Variants in PCDHGA6 observed in about 807,000 individuals in gnomAD.
PCDHGA6 encodes the protein protocadherin gamma-A6.
PCDHGA6 carries 41 observed loss-of-function variants against 60.6 expected under a neutral mutation model. The observed-to-expected ratio is 0.68, with a 90% CI of 0.53 to 0.88. The LOEUF (loss-of-function observed/expected upper bound fraction) is 0.88. Ranked by LOEUF, PCDHGA6 falls within the 40% of genes least tolerant of loss-of-function variation. The probability of loss-of-function intolerance (pLI) is 0.00; values close to 1 mark genes in which losing one functional copy is unlikely to be tolerated. For missense variants in PCDHGA6, 1,312 were observed against 1,203.0 expected, an observed-to-expected ratio of 1.09 and a Z score of -1.34; for synonymous variants, 594 against 524.4, an observed-to-expected ratio of 1.13 and a Z score of -1.81.
At position 141,490,124 on chromosome 5, in the gene PCDHGA6, T is replaced by C. The variant is rs1216088470; in HGVS notation, c.2425-4683T>C. On this transcript the variant is annotated intron_variant, in intron 1 of 3. Transcript: ENST00000517434. The surrounding 1 kb of genome is among the most constrained non-coding windows in gnomAD (Gnocchi z 5.4). ...GAGGCAGTGCGGAACCTCTTTGGCCTAGACCCTAGCAGTGGGGCAATCCAT... is the reference window on the plus strand; with the variant it reads ...GAGGCAGTGCGGAACCTCTTTGGCCCAGACCCTAGCAGTGGGGCAATCCAT... 6.2e-7 allele frequency: 1 copy of C among 1,614,144 alleles called. No individual in the cohort carries two copies. Among genetic ancestry groups the C allele is most frequent in the Non-Finnish European group, 8.5e-7 (1 of 1,180,054 alleles).
rs144613597 is a variant in PCDHGA6, at chr5:141,483,029, G to A, written c.2425-11778G>A. 3.9e-3 allele frequency among the ~76,000 whole-genome samples: 588 copies of A among 152,220 alleles called. 6 individuals are homozygous for A. Among genetic ancestry groups the A allele is most frequent in the Admixed American group, 0.011 (169 of 15,280 alleles). ...GAACCCGGGAGGCAGAGGTTGCAAT[G>A]AGCTGGTGTCAGGCCACTGCACTCC... On this transcript the variant is annotated intron_variant, in intron 1 of 3. Transcript: ENST00000517434.
At chr5:141,389,404 C>T in intron 1 of PCDHGA6, 3 of 1,613,616 alleles carry the variant, frequency 1.9e-6, no homozygotes, top group Non-Finnish European at 2.5e-6. Context: ...TCCATAAGCG[C>T]GGAGAGCGGG....
chr5:141,453,700 G>T (rs953445370), intron 1 of PCDHGA6, among the ~76,000 whole-genome samples: 1 of 152,166 alleles, frequency 6.6e-6, no homozygotes, highest in East Asian at 1.9e-4. Flanking sequence ...TCCTGGCTTT[G>T]AACAGTTTCA....
intron 1 of PCDHGA6, chr5:141,441,978 A>T (rs769977785): frequency 9.1e-5 from 26 of 285,248 alleles, no homozygotes; most frequent in Non-Finnish European, 1.8e-4. Flanking sequence ...TCAGCCTGGA[A>T]TGCGCACCGA....
At chr5:141,471,708 T>G (rs1359785951) in intron 1 of PCDHGA6, among the ~76,000 whole-genome samples, 1 of 152,138 alleles carries the variant, frequency 6.6e-6, no homozygotes, top group Non-Finnish European at 1.5e-5. Context: ...GGAATAGAAG[T>G]GCCACTTACC....
intron 1 of PCDHGA6, chr5:141,428,501 C>A (rs970043746): frequency 8.4e-5 from 24 of 285,544 alleles, no homozygotes; most frequent in African/African-American, 3.9e-4. Context: ...TATGTTCCCT[C>A]GGATTCTAGA....
Position 141,485,089 on chromosome 5 carries a change from G to A in PCDHGA6, c.2425-9718G>A. The stretch of plus-strand genomic sequence containing the variant: ...GAGCTGGCGCGGGGAAAGGGAGATA[G>A]GTGTCTCCAGCTGCTGTGGCTGTTT... On this transcript the variant is annotated intron_variant, in intron 1 of 3. Coordinates refer to ENST00000517434, the MANE Select transcript of PCDHGA6 (RefSeq NM_018919.3). This position sits in a 1 kb window ranked among gnomAD's most constrained non-coding sequence, Gnocchi z 5.7. 1 of 1,027,236 alleles carries A rather than the reference G, an allele frequency of 9.7e-7. No homozygotes were observed. The highest frequency in any genetic ancestry group is 1.5e-6 in the Non-Finnish European group (1 of 674,564). 63.6% of individuals were successfully genotyped at this position (1,027,236 alleles called of 1,614,324 possible). A position where few individuals can be genotyped will look rare whatever the true frequency, so the allele number is the denominator to read the frequency against.
chr5:141,459,406 A>C (rs2098967498), intron 1 of PCDHGA6, among the ~76,000 whole-genome samples: 1 of 152,218 alleles, frequency 6.6e-6, no homozygotes, highest in Admixed American at 6.5e-5. Flanking sequence ...GCAGTATTGC[A>C]TTGTGTGGAT....
chr5:141,410,847 G>GTTT (rs773839667), intron 1 of PCDHGA6: 4 of 158,330 alleles, frequency 2.5e-5, no homozygotes, highest in South Asian at 1.1e-4. Context: ...TTTTGTCTTT[G>GTTT]TCTTTTTTTT....
At position 141,473,311 on chromosome 5, in the gene PCDHGA6, A is replaced by G. The variant is rs139053997; in HGVS notation, c.2425-21496A>G. On this transcript the variant is annotated intron_variant, in intron 1 of 3. Coordinates refer to ENST00000517434, the MANE Select transcript of PCDHGA6 (RefSeq NM_018919.3). ...TCAGTAGCATAAAGATTGCTATATTAATAAGCATTAAGTGCCTGCTGTGCT... is the reference window on the plus strand; with the variant it reads ...TCAGTAGCATAAAGATTGCTATATTGATAAGCATTAAGTGCCTGCTGTGCT... Among the ~76,000 whole-genome samples, 1,321 of 152,342 alleles carry G rather than the reference A, an allele frequency of 8.7e-3. 28 individuals carry two copies. Among genetic ancestry groups the G allele is most frequent in the African/African-American group, 0.03 (1,236 of 41,582 alleles).
At position 141,487,728 on chromosome 5, in the gene PCDHGA6, C is replaced by T. The variant is rs986276637; in HGVS notation, c.2425-7079C>T. 2 of 1,570,444 alleles carry T rather than the reference C, an allele frequency of 1.3e-6. No homozygotes were observed. Among genetic ancestry groups the T allele is most frequent in the East Asian group, 2.3e-5 (1 of 42,866 alleles). ...TCAGTAAGTGCCCATAGTGATGTCA[C>T]CATTTTTGTAAGAGGTAACTATGTG... On this transcript the variant is annotated intron_variant, in intron 1 of 3. Coordinates refer to ENST00000517434, the MANE Select transcript of PCDHGA6 (RefSeq NM_018919.3). The surrounding 1 kb of genome is among the most constrained non-coding windows in gnomAD (Gnocchi z 5.0).
intron 1 of PCDHGA6, among the ~76,000 whole-genome samples, chr5:141,401,855 C>T (rs1188056656): frequency 1.3e-5 from 2 of 152,164 alleles, no homozygotes; most frequent in African/African-American, 2.4e-5. Flanking sequence ...TACTTTTAAC[C>T]TTTCAGTAGT....
rs911594122 is a variant in PCDHGA6, at chr5:141,383,374, G to C, written c.2424+6867G>C. On this transcript the variant is annotated intron_variant, in intron 1 of 3. Transcript: ENST00000517434. ...TCGGTTTCCGTTAAGCGAGGCTGGGGATCCAGATGTGGGCACGAACTCCCT... is the reference window on the plus strand; with the variant it reads ...TCGGTTTCCGTTAAGCGAGGCTGGGCATCCAGATGTGGGCACGAACTCCCT... 1.2e-6 allele frequency: 2 copies of C among 1,613,910 alleles called. No homozygotes were observed. The highest frequency in any genetic ancestry group is 2.7e-5 in the African/African-American group (2 of 74,936).
At chr5:141,473,511 C>T (rs952034051) in intron 1 of PCDHGA6, among the ~76,000 whole-genome samples, 23 of 152,108 alleles carry the variant, frequency 1.5e-4, no homozygotes, top group Non-Finnish European at 3.1e-4. Flanking sequence ...GAGAGCATAA[C>T]AAAGGATCCT....
rs1195194477 is a variant in PCDHGA6, at chr5:141,432,620, C to G, written c.2424+56113C>G. On this transcript the variant is annotated intron_variant, in intron 1 of 3. Transcript: ENST00000517434. The surrounding 1 kb of genome is among the most constrained non-coding windows in gnomAD (Gnocchi z 6.0). ...CGAGCCGGGACTCTTCTCGGTGGGTCTGCACACGGGCGAGGTGCGCACGGC... is the reference window on the plus strand; with the variant it reads ...CGAGCCGGGACTCTTCTCGGTGGGTGTGCACACGGGCGAGGTGCGCACGGC... 6 of 1,613,190 alleles carry G rather than the reference C, an allele frequency of 3.7e-6. No individual in the cohort carries two copies. Among genetic ancestry groups the G allele is most frequent in the Admixed American group, 1.7e-5 (1 of 59,978 alleles).
intron 1 of PCDHGA6, among the ~76,000 whole-genome samples, chr5:141,444,315 G>A (rs2098431855): frequency 6.6e-6 from 1 of 151,946 alleles, no homozygotes; most frequent in South Asian, 2.1e-4. Flanking sequence ...AGGATTACAG[G>A]CATGTGCCAC....
chr5:141,375,243 C>G lies in PCDHGA6; in HGVS notation c.1160C>G (p.Pro387Arg). ...AATGGCCTGGTAACCTGTTCCATCC[C>G]GAGAAGTCTCCCATTTGAATTGGAA... ...GLNGLVTCSI[P>R]RSLPFELEKS... The change falls in exon 1 of 4, where the codon CCG becomes CGG. Residue 387 changes from proline (P) to arginine (R), a missense_variant. Coordinates refer to ENST00000517434, the MANE Select transcript of PCDHGA6 (RefSeq NM_018919.3). 6.2e-7 allele frequency: 1 copy of G among 1,613,896 alleles called. No homozygotes were observed. The highest frequency in any genetic ancestry group is 8.5e-7 in the Non-Finnish European group (1 of 1,179,872).
chr5:141,409,624 G>C lies in PCDHGA6; in HGVS notation c.2424+33117G>C, dbSNP rs747166507. 11 of 1,613,728 alleles carry C rather than the reference G, an allele frequency of 6.8e-6. No homozygotes were observed. The South Asian group carries it at 8.8e-5, about 13-fold the overall frequency. On this transcript the variant is annotated intron_variant, in intron 1 of 3. Transcript: ENST00000517434. The stretch of plus-strand genomic sequence containing the variant: ...CGCCAGGAGCCTCCATTGCGCAAGT[G>C]AGCGCCTCTGACCCGGATTTGGGGC...
intron 1 of PCDHGA6, chr5:141,379,535 GGAAA>G (rs1209928987): frequency 6.6e-6 from 1 of 152,098 alleles, no homozygotes; most frequent in Non-Finnish European, 1.5e-5. Flanking sequence ...GTTGTTATAG[GGAAA>G]GCTCACTAAC....
Sources: allele counts gnomAD v4.1 joint callset (sites outside exome capture counted in the v4.1 genomes callset), GRCh38; gene constraint gnomAD v4.1.1; non-coding constraint Gnocchi (gnomAD v3.1); transcripts MANE v1.5; gene names NCBI Gene and HGNC (gene_info 2026-07-23, HGNC 2026-07-21).